Variants in STK39 observed in about 807,000 individuals in gnomAD.
STK39 encodes the protein STE20/SPS1-related proline-alanine-rich protein kinase.
In STK39, 20 loss-of-function variants were observed where a neutral mutation model predicts 77.8. The ratio of observed to expected loss-of-function variants is 0.26; its 90% CI spans 0.18 to 0.37. STK39 has a LOEUF of 0.37. Among genes scored for constraint, STK39 ranks in the 10% least tolerant of loss-of-function variants. STK39 has a pLI of 1.00. For synonymous variants in STK39, 246 were observed against 234.1 expected (o/e 1.05, Z -0.47); for missense variants, 479 against 656.5 (o/e 0.73, Z 2.95).
intron 1 of STK39, among the ~76,000 whole-genome samples, chr2:168,193,063 T>C (rs1689379099): frequency 6.6e-6 from 1 of 152,176 alleles, no homozygotes; most frequent in Non-Finnish European, 1.5e-5. Context: ...TCTCAGGTAA[T>C]TAAACAGCCC....
intron 14 of STK39, among the ~76,000 whole-genome samples, chr2:168,044,464 G>C (rs183588616): frequency 2.0e-5 from 3 of 152,272 alleles, no homozygotes; most frequent in Admixed American, 2.0e-4. Flanking sequence ...GCATCAGCTT[G>C]ATTTGTCCTT....
At chr2:168,200,984 C>G (rs1324646707) in intron 1 of STK39, among the ~76,000 whole-genome samples, 1 of 152,126 alleles carries the variant, frequency 6.6e-6, no homozygotes, top group Non-Finnish European at 1.5e-5. Context: ...AAATCAGCAA[C>G]CCAGAACAAC....
intron 1 of STK39, among the ~76,000 whole-genome samples, chr2:168,240,274 A>G (rs1690726624): frequency 6.6e-6 from 1 of 152,222 alleles, no homozygotes; most frequent in African/African-American, 2.4e-5. Flanking sequence ...TGTGCTTCAA[A>G]TTAAGTCTTG....
chr2:167,984,068 A>C (rs1473660783), intron 16 of STK39, among the ~76,000 whole-genome samples: 3 of 152,146 alleles, frequency 2.0e-5, no homozygotes, highest in Non-Finnish European at 4.4e-5. Flanking sequence ...GTTGCCTATT[A>C]AGATCCATGA....
chr2:168,004,377 A>T (rs1290971043), intron 16 of STK39, among the ~76,000 whole-genome samples: 1 of 152,200 alleles, frequency 6.6e-6, no homozygotes, highest in East Asian at 1.9e-4. Flanking sequence ...TGAGACTGGG[A>T]AAAAGGTATA....
At chr2:168,203,233 G>C (rs998949479) in intron 1 of STK39, among the ~76,000 whole-genome samples, 3 of 152,176 alleles carry the variant, frequency 2.0e-5, no homozygotes, top group Non-Finnish European at 4.4e-5. Context: ...CTAAGAGTTA[G>C]AGGGGTTCTG....
intron 5 of STK39, among the ~76,000 whole-genome samples, chr2:168,148,473 G>T (rs972095766): frequency 6.6e-6 from 1 of 152,192 alleles, no homozygotes; most frequent in African/African-American, 2.4e-5. Context: ...CCAGGTGGAC[G>T]TTGCGCTTCT....
At chr2:168,216,335 A>G (rs1690024127) in intron 1 of STK39, among the ~76,000 whole-genome samples, 1 of 152,244 alleles carries the variant, frequency 6.6e-6, no homozygotes, top group Non-Finnish European at 1.5e-5. Context: ...TCTTCTGTCA[A>G]TCGACTTGAG....
intron 10 of STK39, among the ~76,000 whole-genome samples, chr2:168,112,005 C>T (rs1224306784): frequency 6.6e-6 from 1 of 152,134 alleles, no homozygotes; most frequent in Non-Finnish European, 1.5e-5. Flanking sequence ...TTTTGGCATA[C>T]ACCATGTTAA....
chr2:168,073,607 G>A (rs1017678845), intron 12 of STK39, among the ~76,000 whole-genome samples: 1 of 152,014 alleles, frequency 6.6e-6, no homozygotes, highest in Non-Finnish European at 1.5e-5. Context: ...TAACAAAGGG[G>A]GATGAGGTCT....
At chr2:168,034,508 AT>A (rs942408067) in intron 14 of STK39, among the ~76,000 whole-genome samples, 9 of 152,336 alleles carry the variant, frequency 5.9e-5, no homozygotes, top group Middle Eastern at 3.4e-3. Flanking sequence ...AAAAGCACCC[AT>A]TTTGCCAGTG....
intron 14 of STK39, among the ~76,000 whole-genome samples, chr2:168,035,596 G>C (rs1302157810): frequency 6.6e-6 from 1 of 152,078 alleles, no homozygotes; most frequent in Non-Finnish European, 1.5e-5. Context: ...AAAACCGTTC[G>C]GCTCAGATAC....
chr2:168,163,794 G>T lies in STK39; in HGVS notation c.517C>A (p.Leu173Ile). 6.2e-7 allele frequency: 1 copy of T among 1,613,928 alleles called. No individual in the cohort carries two copies. Among genetic ancestry groups the T allele is most frequent in the Non-Finnish European group, 8.5e-7 (1 of 1,179,932 alleles). ...VLEEAIIATI[L>I]KEVLEGLDYL... The stretch of plus-strand genomic sequence containing the variant: ...TCTAAGCCTTCCAAAACCTCTTTAA[G>T]AATTGTTGCTATTATTGCCTCTTCC... Residue 173 changes from leucine (L) to isoleucine (I), a missense_variant, in exon 4 of 18, where the codon CTT (leucine) becomes ATT (isoleucine). Physicochemically the swap from Leu to Ile is conservative, Grantham distance 5. Transcript: ENST00000355999.
chr2:168,022,405 AT>A (rs1394012139), intron 14 of STK39, among the ~76,000 whole-genome samples: 2 of 152,206 alleles, frequency 1.3e-5, no homozygotes, highest in African/African-American at 4.8e-5. Flanking sequence ...CTTTGAATAA[AT>A]CAGAATGTAT....
intron 16 of STK39, among the ~76,000 whole-genome samples, chr2:167,968,731 A>C (rs1692231700): frequency 6.6e-6 from 1 of 152,234 alleles, no homozygotes; most frequent in Non-Finnish European, 1.5e-5. Context: ...AGAAAGAGAC[A>C]ATCCAAGCTC....
chr2:168,038,449 T>TA (rs10622931), intron 14 of STK39, among the ~76,000 whole-genome samples: 53,120 of 145,658 alleles, frequency 0.36, 9,797 homozygotes, highest in African/African-American at 0.42. Flanking sequence ...TAAAATGATT[T>TA]AAAAAAAAAA....
intron 14 of STK39, among the ~76,000 whole-genome samples, chr2:168,042,088 G>A (rs970580960): frequency 6.6e-6 from 1 of 152,190 alleles, no homozygotes; most frequent in Non-Finnish European, 1.5e-5. Context: ...CTAACAAGCT[G>A]AAGGCTAAAT....
intron 5 of STK39, among the ~76,000 whole-genome samples, chr2:168,144,140 G>C (rs987419055): frequency 4.6e-5 from 7 of 152,138 alleles, no homozygotes; most frequent in African/African-American, 7.2e-5. Context: ...ATCTGATTTG[G>C]AGAGTGGCAG....
At chr2:168,068,251 C>T (rs1366279171) in intron 12 of STK39, among the ~76,000 whole-genome samples, 2 of 152,128 alleles carry the variant, frequency 1.3e-5, no homozygotes, top group African/African-American at 4.8e-5. Flanking sequence ...TGAACACCAC[C>T]ATGGCAATAG....
Sources: allele counts gnomAD v4.1 joint callset (sites outside exome capture counted in the v4.1 genomes callset), GRCh38; gene constraint gnomAD v4.1.1; transcripts MANE v1.5; gene names NCBI Gene and HGNC (gene_info 2026-07-23, HGNC 2026-07-21).